PCDH9: variants seen among roughly 807,000 people sequenced by gnomAD.
PCDH9 encodes the protein protocadherin 9, also known as protocadherin-9.
In PCDH9, 24 loss-of-function variants were observed where a neutral mutation model predicts 70.6. The observed-to-expected ratio is 0.34, with a 90% CI of 0.25 to 0.48. The LOEUF (loss-of-function observed/expected upper bound fraction) is 0.48. Among genes scored for constraint, PCDH9 ranks in the 20% least tolerant of loss-of-function variants. The probability of loss-of-function intolerance (pLI) is 0.99; values close to 1 mark genes in which losing one functional copy is unlikely to be tolerated. For missense variants in PCDH9, 1,281 were observed against 1,503.6 expected (o/e 0.85, Z 2.45); for synonymous variants, 562 against 558.5 (o/e 1.01, Z -0.09).
At chr13:66,479,746 T>G (rs1958804004) in intron 4 of PCDH9, among the ~76,000 whole-genome samples, 1 of 152,162 alleles carries the variant, frequency 6.6e-6, no homozygotes, top group Non-Finnish European at 1.5e-5. Context: ...AATGTGCCCA[T>G]CAGTGCTCTG....
chr13:66,817,554 ACTTT>A (rs2080630430), intron 3 of PCDH9, among the ~76,000 whole-genome samples: 1 of 152,026 alleles, frequency 6.6e-6, no homozygotes, highest in Non-Finnish European at 1.5e-5. Flanking sequence ...TAATACTTAG[ACTTT>A]CTTAGTAAAA....
chr13:66,961,489 GAAATT>G (rs970671285), intron 2 of PCDH9, among the ~76,000 whole-genome samples: 3 of 152,122 alleles, frequency 2.0e-5, no homozygotes, highest in Admixed American at 1.3e-4. Flanking sequence ...AAGAAATATT[GAAATT>G]AAATTAAATC....
intron 4 of PCDH9, among the ~76,000 whole-genome samples, chr13:66,324,288 G>A (rs1397579306): frequency 2.6e-5 from 4 of 151,730 alleles, no homozygotes; most frequent in African/African-American, 7.3e-5. Context: ...CCCTTCACGA[G>A]ACAAAAAAGG....
At chr13:66,339,702 T>C (rs1463814545) in intron 4 of PCDH9, among the ~76,000 whole-genome samples, 1 of 152,172 alleles carries the variant, frequency 6.6e-6, no homozygotes, top group Non-Finnish European at 1.5e-5. Context: ...TTTTTCTTTT[T>C]AATTTTAATC....
At chr13:66,582,358 G>A (rs1395527197) in intron 4 of PCDH9, among the ~76,000 whole-genome samples, 1 of 152,188 alleles carries the variant, frequency 6.6e-6, no homozygotes, top group South Asian at 2.1e-4. Flanking sequence ...ATAAAACAAT[G>A]TCGGGCATGG....
chr13:66,827,374 A>AAG (rs1319476018), intron 3 of PCDH9, among the ~76,000 whole-genome samples: 1 of 151,408 alleles, frequency 6.6e-6, no homozygotes, highest in East Asian at 1.9e-4. Flanking sequence ...AAAAAAAAAA[A>AAG]GAAAAAAAAG....
intron 2 of PCDH9, chr13:67,223,981 T>C (rs926364516): frequency 1.3e-5 from 2 of 152,176 alleles, no homozygotes; most frequent in Admixed American, 1.3e-4. Context: ...CCTTAAGTCC[T>C]TCCAGAGCAA....
In PCDH9 at chr13:66,626,527, C is replaced by T. The variant is rs186091985; in HGVS notation, c.3340+4683G>A. On this transcript the variant is annotated intron_variant, in intron 4 of 4. Transcript: ENST00000377865. ...TGAGACAATGGACATATAAGCAGAC[C>T]AATGACCCAGGGTTGAGAATATTGC... is the stretch of plus-strand genomic sequence containing the variant. 5.9e-5 allele frequency among the ~76,000 whole-genome samples: 9 copies of T among 152,198 alleles called. No homozygotes were observed. The East Asian group carries it at 1.7e-3, about 29-fold the overall frequency.
chr13:66,422,475 C>T (rs1957585497), intron 4 of PCDH9, among the ~76,000 whole-genome samples: 1 of 152,182 alleles, frequency 6.6e-6, no homozygotes, highest in Non-Finnish European at 1.5e-5. Context: ...ACAGTGCAAT[C>T]AAATTGGAAC....
At chr13:67,002,488 C>G (rs879336239) in intron 2 of PCDH9, among the ~76,000 whole-genome samples, 1 of 146,358 alleles carries the variant, frequency 6.8e-6, no homozygotes, top group Non-Finnish European at 1.5e-5. Flanking sequence ...CTAAAAGTCA[C>G]TATTCTGTTT....
At chr13:66,656,882 G>C (rs570056884) in intron 3 of PCDH9, among the ~76,000 whole-genome samples, 1 of 152,104 alleles carries the variant, frequency 6.6e-6, no homozygotes, top group Admixed American at 6.6e-5. Context: ...ATTCCAAGAC[G>C]CTTGCTATTT....
intron 3 of PCDH9, among the ~76,000 whole-genome samples, chr13:66,826,850 C>T (rs1015586727): frequency 9.9e-5 from 15 of 152,008 alleles, no homozygotes; most frequent in Admixed American, 9.8e-4. Context: ...GGCTGTAAAA[C>T]CTTGATTTGC....
Position 66,696,458 on chromosome 13 carries a change from T to C in PCDH9, c.3139-65047A>G, listed in dbSNP as rs963360322. On this transcript the variant is annotated intron_variant, in intron 3 of 4. Transcript: ENST00000377865. ...AAAATAATTTCCATATTTATAACAA[T>C]GTCAGGCAAAAGAAATCTTCTCTAA... Among the ~76,000 whole-genome samples the C allele has an allele frequency of 7.2e-5, 11 of 152,316 alleles. No individual in the cohort carries two copies. In the East Asian group the frequency reaches 2.1e-3, roughly 29 times the overall value.
chr13:66,858,650 C>G (rs2081434152), intron 3 of PCDH9, among the ~76,000 whole-genome samples: 1 of 152,010 alleles, frequency 6.6e-6, no homozygotes, highest in Non-Finnish European at 1.5e-5. Flanking sequence ...CCTTCTCTGC[C>G]CTGCCACCTT....
At chr13:66,990,639 A>C (rs992893796) in intron 2 of PCDH9, among the ~76,000 whole-genome samples, 3 of 150,296 alleles carry the variant, frequency 2.0e-5, no homozygotes, top group Non-Finnish European at 4.4e-5. Context: ...ACATGTATAC[A>C]TAAATATACA....
intron 3 of PCDH9, among the ~76,000 whole-genome samples, chr13:66,899,701 C>T (rs377065347): frequency 4.6e-5 from 7 of 151,854 alleles, no homozygotes; most frequent in Non-Finnish European, 8.8e-5. Context: ...CAATGAAATA[C>T]GGATCAAAAA....
At chr13:66,898,562 T>A (rs2082222823) in intron 3 of PCDH9, among the ~76,000 whole-genome samples, 1 of 152,036 alleles carries the variant, frequency 6.6e-6, no homozygotes. Flanking sequence ...TTGGGTAATA[T>A]GACTACATAA....
chr13:66,351,279 A>C (rs932588993), intron 4 of PCDH9, among the ~76,000 whole-genome samples: 1 of 152,146 alleles, frequency 6.6e-6, no homozygotes, highest in Non-Finnish European at 1.5e-5. Flanking sequence ...CTGGAAGATA[A>C]TAGGATCATG....
intron 4 of PCDH9, among the ~76,000 whole-genome samples, chr13:66,456,149 C>T (rs985429044): frequency 6.6e-6 from 1 of 152,048 alleles, no homozygotes; most frequent in Admixed American, 6.6e-5. Flanking sequence ...GATGGTTATG[C>T]ATTAGAAAAC....
Sources: gnomAD v4.1 joint callset for allele counts (sites outside exome capture counted in the v4.1 genomes callset) on GRCh38, gnomAD v4.1.1 for gene constraint, MANE v1.5 for transcripts, NCBI Gene and HGNC (gene_info 2026-07-23, HGNC 2026-07-21) for gene names.